The following STAC variants were observed in gnomAD, a reference collection of about 807,000 sequenced individuals.
STAC encodes SH3 and cysteine-rich domain-containing protein.
A neutral mutation model predicts 48.8 loss-of-function variants in STAC; 43 were observed. The ratio of observed to expected loss-of-function variants is 0.88; its 90% CI spans 0.69 to 1.14. The LOEUF (loss-of-function observed/expected upper bound fraction) is 1.14. STAC is among the 50% of genes most tolerant of loss of function. STAC has a pLI of 0.00. For synonymous variants in STAC, 193 were observed against 179.5 expected, an observed-to-expected ratio of 1.07 and a Z score of -0.60; for missense variants, 497 against 504.0, an observed-to-expected ratio of 0.99 and a Z score of 0.13.
At chr3:36,438,657 T>C (rs998186948) in intron 1 of STAC, among the ~76,000 whole-genome samples, 2 of 152,326 alleles carry the variant, frequency 1.3e-5, no homozygotes, top group South Asian at 2.1e-4. Flanking sequence ...GATGGCTTCA[T>C]ACAATTTCCA....
chr3:36,494,151 CAAAAAAAAAAAA>C (rs751587518), intron 6 of STAC, among the ~76,000 whole-genome samples: 30 of 56,896 alleles, frequency 5.3e-4, no homozygotes, highest in African/African-American at 1.8e-3. Context: ...GACTCCGTCT[CAAAAAAAAAAAA>C]AAAAAAAAAA....
intron 2 of STAC, among the ~76,000 whole-genome samples, chr3:36,461,292 G>A (rs567397262): frequency 9.9e-5 from 15 of 152,270 alleles, no homozygotes; most frequent in African/African-American, 3.6e-4. Context: ...TAATAAGCAT[G>A]CTGAGTATTA....
intron 1 of STAC, among the ~76,000 whole-genome samples, chr3:36,429,732 G>C (rs1481564589): frequency 6.6e-6 from 1 of 152,152 alleles, no homozygotes; most frequent in African/African-American, 2.4e-5. Flanking sequence ...TCAGGCCTCA[G>C]GGTCCACAGG....
At chr3:36,456,151 T>C (rs990741107) in intron 2 of STAC, among the ~76,000 whole-genome samples, 10 of 152,122 alleles carry the variant, frequency 6.6e-5, no homozygotes, top group Admixed American at 2.6e-4. Flanking sequence ...AGGGTTCATA[T>C]CCACTTCAGC....
At chr3:36,434,429 A>T (rs1700779532) in intron 1 of STAC, among the ~76,000 whole-genome samples, 1 of 152,252 alleles carries the variant, frequency 6.6e-6, no homozygotes, top group Admixed American at 6.5e-5. Flanking sequence ...TGTAGACCAC[A>T]TGTGAGTAGC....
chr3:36,520,103 T>C (rs1317764789), intron 8 of STAC, among the ~76,000 whole-genome samples: 1 of 152,208 alleles, frequency 6.6e-6, no homozygotes, highest in Non-Finnish European at 1.5e-5. Flanking sequence ...TCAAAGTCTT[T>C]CATAATTTTT....
At chr3:36,448,700 C>T (rs1228135827) in intron 2 of STAC, among the ~76,000 whole-genome samples, 2 of 152,134 alleles carry the variant, frequency 1.3e-5, no homozygotes, top group Non-Finnish European at 2.9e-5. Context: ...TTTAAACTCA[C>T]TTGGAGTCCC....
chr3:36,519,550 T>C (rs2125724361), intron 8 of STAC, among the ~76,000 whole-genome samples: 1 of 152,282 alleles, frequency 6.6e-6, no homozygotes, highest in Middle Eastern at 3.4e-3. Context: ...TCAGCAAGAG[T>C]AGGTAACACT....
chr3:36,387,731 A>G (rs554571084), intron 1 of STAC, among the ~76,000 whole-genome samples: 2 of 152,210 alleles, frequency 1.3e-5, no homozygotes, highest in African/African-American at 2.4e-5. Flanking sequence ...TTATCCATTA[A>G]TGCATCAGTG....
At chr3:36,396,721 G>A (rs182289130) in intron 1 of STAC, among the ~76,000 whole-genome samples, 72 of 152,218 alleles carry the variant, frequency 4.7e-4, no homozygotes, top group South Asian at 1.9e-3. Context: ...TAATAACAGC[G>A]TTGCAAATGC....
At chr3:36,431,277 G>A (rs775710154) in intron 1 of STAC, among the ~76,000 whole-genome samples, 5 of 151,974 alleles carry the variant, frequency 3.3e-5, no homozygotes, top group East Asian at 1.9e-4. Context: ...CTTTGTTCTC[G>A]GGGGAAAACA....
rs892826876 is a variant in STAC, at chr3:36,436,863, C to T, written c.112-6501C>T. 2.7e-4 allele frequency among the ~76,000 whole-genome samples: 41 copies of T among 151,814 alleles called. 1 individual carries two copies. Among genetic ancestry groups the T allele is most frequent in the Admixed American group, 2.6e-3 (39 of 15,252 alleles). ...AACCTACAAAATGGAAGAAAATTTC[C>T]GCAACCTACTCATCTGACAAAGGGC... On this transcript the variant is annotated intron_variant, in intron 1 of 10. Coordinates refer to ENST00000273183, the MANE Select transcript of STAC (RefSeq NM_003149.3).
At chr3:36,499,749 T>A (rs28666739) in intron 6 of STAC, among the ~76,000 whole-genome samples, 593 of 151,460 alleles carry the variant, frequency 3.9e-3, no homozygotes, top group African/African-American at 8.2e-3. Context: ...GTAGAAAATT[T>A]AAAAAAACAA....
At chr3:36,444,502 C>A (rs115837465) in intron 2 of STAC, among the ~76,000 whole-genome samples, 2,085 of 152,348 alleles carry the variant, frequency 0.014, 43 homozygotes, top group African/African-American at 0.047. Context: ...CTAGTCACAT[C>A]ATGCACTTCT....
rs80262146 is a variant in STAC, at chr3:36,428,571, T to G, written c.112-14793T>G. 1.1e-3 allele frequency among the ~76,000 whole-genome samples: 170 copies of G among 152,114 alleles called. 2 individuals carry two copies. In the East Asian group the frequency reaches 0.026, roughly 23 times the overall value. On this transcript the variant is annotated intron_variant, in intron 1 of 10. Transcript: ENST00000273183. ...AAGTGCTCTGAAGAGGAAATGGGGA[T>G]AGAGCACAGGGATCGGGGAAGTCTC...
At chr3:36,384,703 C>A (rs541003422) in intron 1 of STAC, among the ~76,000 whole-genome samples, 1 of 152,234 alleles carries the variant, frequency 6.6e-6, no homozygotes, top group Non-Finnish European at 1.5e-5. Context: ...GACATAGACT[C>A]ACCAGCATGT....
chr3:36,455,386 T>A (rs541178962), intron 2 of STAC, among the ~76,000 whole-genome samples: 51 of 152,344 alleles, frequency 3.3e-4, no homozygotes, highest in African/African-American at 1.2e-3. Context: ...TACTTGAAGC[T>A]GCAAAGCCTT....
intron 2 of STAC, among the ~76,000 whole-genome samples, chr3:36,450,423 A>T (rs1302944293): frequency 6.6e-6 from 1 of 152,206 alleles, no homozygotes; most frequent in Non-Finnish European, 1.5e-5. Flanking sequence ...CTCATCTGTC[A>T]TCTTTCTCTT....
chr3:36,408,872 T>C (rs1424705085), intron 1 of STAC, among the ~76,000 whole-genome samples: 1 of 152,190 alleles, frequency 6.6e-6, no homozygotes, highest in East Asian at 1.9e-4. Flanking sequence ...TGAAACTTGG[T>C]TTCATATACC....
Sources: allele counts gnomAD v4.1 joint callset (sites outside exome capture counted in the v4.1 genomes callset), GRCh38; gene constraint gnomAD v4.1.1; transcripts MANE v1.5; gene names NCBI Gene and HGNC (gene_info 2026-07-23, HGNC 2026-07-21).